Variants in RALYL observed in about 807,000 individuals in gnomAD.
The protein encoded by RALYL is RALY RNA binding protein like.
In RALYL, 29 loss-of-function variants were observed where a neutral mutation model predicts 35.1. That is an observed-to-expected ratio of 0.83 (90% CI 0.61 to 1.13). The LOEUF (loss-of-function observed/expected upper bound fraction) is 1.13. Among genes scored for constraint, RALYL ranks in the 50% most tolerant of loss-of-function variants. The pLI is 0.00. For missense variants in RALYL, 359 were observed against 360.4 expected (o/e 1.00, Z 0.03); for synonymous variants, 120 against 127.6 (o/e 0.94, Z 0.40).
At chr8:84,491,334 T>C (rs925710621) in intron 1 of RALYL, among the ~76,000 whole-genome samples, 33 of 152,026 alleles carry the variant, frequency 2.2e-4, no homozygotes, top group African/African-American at 7.0e-4. Flanking sequence ...CCCCTTTTTC[T>C]TACTCTCTCT....
At chr8:84,426,949 A>C (rs2046549598) in intron 1 of RALYL, among the ~76,000 whole-genome samples, 1 of 152,140 alleles carries the variant, frequency 6.6e-6, no homozygotes, top group African/African-American at 2.4e-5. Context: ...ATGGGCACAT[A>C]CCCAAAGGAA....
intron 2 of RALYL, among the ~76,000 whole-genome samples, chr8:84,641,594 T>C (rs928190379): frequency 2.6e-5 from 4 of 151,902 alleles, no homozygotes; most frequent in Non-Finnish European, 5.9e-5. Flanking sequence ...CCAGTTGATC[T>C]AGATTACTTT....
intron 1 of RALYL, among the ~76,000 whole-genome samples, chr8:84,389,203 T>G (rs968613381): frequency 2.6e-5 from 4 of 152,146 alleles, no homozygotes; most frequent in African/African-American, 9.7e-5. Flanking sequence ...TTGATCTATA[T>G]CTCTGTTTTG....
intron 1 of RALYL, among the ~76,000 whole-genome samples, chr8:84,194,989 A>G (rs1334962692): frequency 1.3e-5 from 2 of 152,136 alleles, no homozygotes; most frequent in African/African-American, 4.8e-5. Context: ...GCAATAGGTC[A>G]GCAACATTTG....
At chr8:84,279,162 G>A (rs150895409) in intron 1 of RALYL, among the ~76,000 whole-genome samples, 2,518 of 152,236 alleles carry the variant, frequency 0.017, 27 homozygotes, top group Middle Eastern at 0.048. Context: ...TTATAAAACC[G>A]TCAGATGTCA....
intron 1 of RALYL, among the ~76,000 whole-genome samples, chr8:84,378,414 T>C (rs1051498102): frequency 1.6e-4 from 24 of 151,934 alleles, no homozygotes; most frequent in Admixed American, 6.6e-5. Context: ...TAACATTTCA[T>C]GTATTTTAGG....
intron 1 of RALYL, among the ~76,000 whole-genome samples, chr8:84,304,097 T>A (rs1251965285): frequency 4.0e-5 from 6 of 151,086 alleles, no homozygotes; most frequent in Non-Finnish European, 5.9e-5. Context: ...TATTTCATTA[T>A]TTTTTAAAGT....
Position 84,619,043 on chromosome 8 carries a change from TGTG to T in RALYL, c.256+89470_256+89472del, listed in dbSNP as rs750656226. Among the ~76,000 whole-genome samples, 963 of 150,084 alleles carry T rather than the reference TGTG, an allele frequency of 6.4e-3. 6 individuals are homozygous for T. The highest frequency in any genetic ancestry group is 8.3e-3 in the Non-Finnish European group (562 of 67,724). ...GTGGTCAATTTTGGAATAGGTGTGG[TGTG>T]GTGCTGAAAAAAATGTATATTCTGT... is the stretch of plus-strand genomic sequence containing the variant. On this transcript the variant is annotated intron_variant, in intron 2 of 8. Coordinates refer to ENST00000521268, the MANE Select transcript of RALYL (RefSeq NM_173848.7).
intron 2 of RALYL, among the ~76,000 whole-genome samples, chr8:84,689,229 AC>A (rs1034980083): frequency 2.0e-5 from 3 of 151,486 alleles, no homozygotes; most frequent in African/African-American, 7.3e-5. Context: ...CCCTCCCCCA[AC>A]CCCCGACCGC....
chr8:84,450,565 AT>A (rs2049354514), intron 1 of RALYL, among the ~76,000 whole-genome samples: 1 of 151,844 alleles, frequency 6.6e-6, no homozygotes, highest in Non-Finnish European at 1.5e-5. Flanking sequence ...TAGTATTTTA[AT>A]TTTTGCAGCA....
chr8:84,347,107 A>G (rs1445372696), intron 1 of RALYL, among the ~76,000 whole-genome samples: 1 of 152,030 alleles, frequency 6.6e-6, no homozygotes, highest in Admixed American at 6.6e-5. Flanking sequence ...AGGCTGAGGC[A>G]GGAGAATCAC....
At chr8:84,849,207 A>C (rs1465240465) in intron 4 of RALYL, among the ~76,000 whole-genome samples, 1 of 152,224 alleles carries the variant, frequency 6.6e-6, no homozygotes, top group Non-Finnish European at 1.5e-5. Context: ...AAATGCATTT[A>C]CTAATTCATA....
chr8:84,784,356 G>A (rs957228444), intron 3 of RALYL, among the ~76,000 whole-genome samples: 8 of 152,180 alleles, frequency 5.3e-5, no homozygotes, highest in East Asian at 1.9e-4. Flanking sequence ...GTAGATGGAC[G>A]TGATTAATGA....
At chr8:84,705,097 T>C (rs1243935531) in intron 2 of RALYL, among the ~76,000 whole-genome samples, 1 of 152,180 alleles carries the variant, frequency 6.6e-6, no homozygotes, top group Non-Finnish European at 1.5e-5. Flanking sequence ...TGAAACCATG[T>C]TCTCATTTGG....
At chr8:84,807,322 G>A (rs1824882096) in intron 4 of RALYL, among the ~76,000 whole-genome samples, 1 of 152,118 alleles carries the variant, frequency 6.6e-6, no homozygotes, top group Admixed American at 6.5e-5. Flanking sequence ...GTCTCATCCA[G>A]GTTACTGCAA....
chr8:84,414,226 CAATAATT>C (rs1319500500), intron 1 of RALYL, among the ~76,000 whole-genome samples: 3 of 152,086 alleles, frequency 2.0e-5, no homozygotes, highest in East Asian at 1.9e-4. Flanking sequence ...ATTACTCTAT[CAATAATT>C]ATTTTTTGTA....
intron 2 of RALYL, among the ~76,000 whole-genome samples, chr8:84,683,922 A>G (rs773349625): frequency 6.6e-6 from 1 of 151,872 alleles, no homozygotes. Flanking sequence ...CCGATCAGGA[A>G]CTCTCGATCC....
In RALYL at chr8:84,285,793, G is replaced by A. The variant is rs560026465; in HGVS notation, c.-24+101369G>A. Among the ~76,000 whole-genome samples the A allele has an allele frequency of 6.6e-5, 10 of 152,282 alleles. No individual in the cohort carries two copies. In the South Asian group the frequency reaches 2.1e-3, roughly 32 times the overall value. On this transcript the variant is annotated intron_variant, in intron 1 of 8. Transcript: ENST00000521268. ...AGGGAGAACAGCCAAAGGAAGTGAGGTCAGACTGAACAATACAGAAAATTG... is the reference window on the plus strand; with the variant it reads ...AGGGAGAACAGCCAAAGGAAGTGAGATCAGACTGAACAATACAGAAAATTG...
intron 1 of RALYL, among the ~76,000 whole-genome samples, chr8:84,523,996 A>G (rs963407355): frequency 5.9e-5 from 9 of 152,076 alleles, no homozygotes; most frequent in African/African-American, 1.7e-4. Flanking sequence ...GTGTCTTTAT[A>G]GCAGCATGAT....
Sources: allele counts gnomAD v4.1 joint callset (sites outside exome capture counted in the v4.1 genomes callset), GRCh38; gene constraint gnomAD v4.1.1; transcripts MANE v1.5; gene names NCBI Gene and HGNC (gene_info 2026-07-23, HGNC 2026-07-21).